The following ZBTB20 variants were observed in gnomAD, a reference collection of about 807,000 sequenced individuals.
ZBTB20 encodes the protein zinc finger and BTB domain-containing protein 20.
In ZBTB20, 9 loss-of-function variants were observed where a neutral mutation model predicts 56.9. The observed-to-expected ratio is 0.16, with a 90% CI of 0.10 to 0.28. ZBTB20 has a LOEUF of 0.28. Among genes scored for constraint, ZBTB20 ranks in the 10% least tolerant of loss-of-function variants. The pLI is 1.00. For synonymous variants in ZBTB20, 417 were observed against 420.7 expected, an observed-to-expected ratio of 0.99 and a Z score of 0.11; for missense variants, 655 against 1,003.0, an observed-to-expected ratio of 0.65 and a Z score of 4.69.
At chr3:115,086,358 A>G (rs1237405939) in intron 1 of ZBTB20, among the ~76,000 whole-genome samples, 1 of 151,856 alleles carries the variant, frequency 6.6e-6, no homozygotes, top group Non-Finnish European at 1.5e-5. Context: ...TAAGCCTTCT[A>G]TATTTCTTAG....
chr3:115,031,331 T>C (rs1170340994), intron 2 of ZBTB20, among the ~76,000 whole-genome samples: 3 of 151,444 alleles, frequency 2.0e-5, no homozygotes, highest in Non-Finnish European at 3.0e-5. Flanking sequence ...TTAATCATTA[T>C]TCAACAGTAC....
At chr3:114,632,599 G>C (rs1274211000) in intron 6 of ZBTB20, among the ~76,000 whole-genome samples, 1 of 152,078 alleles carries the variant, frequency 6.6e-6, no homozygotes, top group Non-Finnish European at 1.5e-5. Flanking sequence ...TGATTCTTTT[G>C]TACTGTGCCC....
At chr3:114,791,324 G>GT (rs1334843807) in intron 5 of ZBTB20, among the ~76,000 whole-genome samples, 2 of 152,210 alleles carry the variant, frequency 1.3e-5, no homozygotes, top group Admixed American at 6.5e-5. Context: ...GATATAATCA[G>GT]TTTTTATTTA....
At chr3:115,062,455 C>A (rs1320647938) in intron 2 of ZBTB20, among the ~76,000 whole-genome samples, 1 of 152,080 alleles carries the variant, frequency 6.6e-6, no homozygotes, top group Non-Finnish European at 1.5e-5. Flanking sequence ...AAATATCCCC[C>A]CTTTCTATCT....
chr3:114,877,846 T>C (rs2076255666), intron 4 of ZBTB20, among the ~76,000 whole-genome samples: 1 of 152,154 alleles, frequency 6.6e-6, no homozygotes, highest in Non-Finnish European at 1.5e-5. Context: ...CTAATTTGCA[T>C]ACATTTACAT....
At chr3:115,075,045 C>A (rs888047049) in intron 1 of ZBTB20, among the ~76,000 whole-genome samples, 60 of 152,134 alleles carry the variant, frequency 3.9e-4, no homozygotes, top group Non-Finnish European at 5.6e-4. Flanking sequence ...ATTAACTTTC[C>A]TGCTATATTT....
At chr3:114,740,859 G>A (rs2066518833) in intron 5 of ZBTB20, among the ~76,000 whole-genome samples, 1 of 152,152 alleles carries the variant, frequency 6.6e-6, no homozygotes. Context: ...TCCAGAAGAA[G>A]GAACTGAGTA....
intron 3 of ZBTB20, among the ~76,000 whole-genome samples, chr3:114,913,404 A>C (rs2075620700): frequency 6.6e-6 from 1 of 151,940 alleles, no homozygotes; most frequent in African/African-American, 2.4e-5. Flanking sequence ...GTCTATTCAA[A>C]TCTTTTCCCC....
chr3:114,796,353 C>T (rs1044771686), intron 5 of ZBTB20, among the ~76,000 whole-genome samples: 2 of 151,888 alleles, frequency 1.3e-5, no homozygotes, highest in African/African-American at 4.8e-5. Context: ...ATAGTACATA[C>T]AACCCGGTAG....
At chr3:114,574,635 C>T (rs1045540657) in intron 6 of ZBTB20, among the ~76,000 whole-genome samples, 1 of 152,014 alleles carries the variant, frequency 6.6e-6, no homozygotes, top group Non-Finnish European at 1.5e-5. Flanking sequence ...ATTGTAACAC[C>T]ATAGTCTGAG....
chr3:114,773,815 T>C (rs991668707), intron 5 of ZBTB20, among the ~76,000 whole-genome samples: 5 of 152,228 alleles, frequency 3.3e-5, no homozygotes, highest in African/African-American at 9.6e-5. Context: ...TTTTGCCTAC[T>C]ATACAAGTTG....
In ZBTB20 at chr3:114,888,627, A is replaced by C. The variant is rs529713842; in HGVS notation, c.-417+11677T>G. Among the ~76,000 whole-genome samples the C allele has an allele frequency of 1.9e-3, 282 of 152,318 alleles. 1 individual carries two copies. The highest frequency in any genetic ancestry group is 6.0e-3 in the African/African-American group (251 of 41,576). On this transcript the variant is annotated intron_variant, in intron 4 of 11. Coordinates refer to ENST00000675478, the MANE Select transcript of ZBTB20 (RefSeq NM_001348800.3). ...TAAATATAATATCAGTAACAAATTT[A>C]CATAGAGGAAAATCAATTTTATTTT...
chr3:114,492,121 C>T (rs541944800), intron 7 of ZBTB20, among the ~76,000 whole-genome samples: 8 of 152,072 alleles, frequency 5.3e-5, no homozygotes, highest in South Asian at 2.1e-4. Context: ...TTTCTACCAG[C>T]GGATTAAATA....
At chr3:114,370,000 T>C (rs2082829347) in intron 10 of ZBTB20, among the ~76,000 whole-genome samples, 1 of 152,160 alleles carries the variant, frequency 6.6e-6, no homozygotes, top group Non-Finnish European at 1.5e-5. Context: ...TTATTTCTCA[T>C]AAAAAATAAT....
At chr3:114,673,950 A>G (rs998114125) in intron 6 of ZBTB20, among the ~76,000 whole-genome samples, 1 of 152,150 alleles carries the variant, frequency 6.6e-6, no homozygotes, top group Non-Finnish European at 1.5e-5. Context: ...CCCTAAGAAT[A>G]CACTCTAACA....
chr3:115,098,378 G>A (rs903110693), intron 1 of ZBTB20, among the ~76,000 whole-genome samples: 1 of 152,112 alleles, frequency 6.6e-6, no homozygotes, highest in African/African-American at 2.4e-5. Flanking sequence ...TTGACATACA[G>A]TATCAGTTTT....
At chr3:115,090,865 G>C (rs1427349866) in intron 1 of ZBTB20, among the ~76,000 whole-genome samples, 1 of 151,740 alleles carries the variant, frequency 6.6e-6, no homozygotes, top group Admixed American at 6.6e-5. Flanking sequence ...TGGTATTTAT[G>C]GTAATACGTG....
chr3:114,718,092 A>T (rs2064632935), intron 5 of ZBTB20, among the ~76,000 whole-genome samples: 1 of 152,094 alleles, frequency 6.6e-6, no homozygotes, highest in Non-Finnish European at 1.5e-5. Context: ...AAGAGTAGAA[A>T]ATCTTATTCT....
chr3:115,079,273 A>G (rs2082708042), intron 1 of ZBTB20, among the ~76,000 whole-genome samples: 1 of 152,232 alleles, frequency 6.6e-6, no homozygotes, highest in Admixed American at 6.5e-5. Flanking sequence ...AGGGCTAATG[A>G]GTATTACATG....
Sources: gnomAD v4.1 joint callset for allele counts (sites outside exome capture counted in the v4.1 genomes callset) on GRCh38, gnomAD v4.1.1 for gene constraint, MANE v1.5 for transcripts, NCBI Gene and HGNC (gene_info 2026-07-23, HGNC 2026-07-21) for gene names.